TUSC3: variants seen among roughly 807,000 people sequenced by gnomAD.
The protein encoded by TUSC3 is dolichyl-diphosphooligosaccharide--protein glycosyltransferase subunit TUSC3.
A neutral mutation model predicts 44.8 loss-of-function variants in TUSC3; 45 were observed. That is an observed-to-expected ratio of 1.00 (90% CI 0.79 to 1.29). TUSC3 has a LOEUF of 1.29. Among genes scored for constraint, TUSC3 ranks in the 50% most tolerant of loss-of-function variants. TUSC3 has a pLI of 0.00. For missense variants in TUSC3, 519 were observed against 437.9 expected, an observed-to-expected ratio of 1.19 and a Z score of -1.65; for synonymous variants, 212 against 152.9, an observed-to-expected ratio of 1.39 and a Z score of -2.85.
At chr8:15,784,422 A>AT in the TUSC3 span, among the ~76,000 whole-genome samples, 4 of 152,194 alleles carry the variant, frequency 2.6e-5, no homozygotes, top group African/African-American at 9.6e-5. Flanking sequence ...TCATTGCAGC[A>AT]TTATTCACAA....
At chr8:15,538,052 G>C (rs1186729940), upstream of TUSC3, among the ~76,000 whole-genome samples, 4 of 152,084 alleles carry the variant, frequency 2.6e-5, 1 homozygote, top group South Asian at 6.2e-4. Flanking sequence ...AACAGTTCTT[G>C]TAACTGACTT....
the TUSC3 span, among the ~76,000 whole-genome samples, chr8:15,780,111 C>T: frequency 2.0e-5 from 3 of 152,128 alleles, no homozygotes; most frequent in Admixed American, 2.0e-4. Context: ...ATAGGAGGCT[C>T]CTGACTTCAC....
chr8:15,719,595 C>T (rs968705664), intron 6 of TUSC3, among the ~76,000 whole-genome samples: 3 of 151,756 alleles, frequency 2.0e-5, no homozygotes, highest in African/African-American at 7.3e-5. Flanking sequence ...TTTTATCTCA[C>T]CTGCCTAGGA....
At chr8:15,588,840 G>C (rs1409918203) in intron 1 of TUSC3, among the ~76,000 whole-genome samples, 7 of 152,088 alleles carry the variant, frequency 4.6e-5, no homozygotes, top group African/African-American at 1.7e-4. Context: ...GTTTTTGGCA[G>C]TTTTGTTGCA....
intron 2 of TUSC3, among the ~76,000 whole-genome samples, chr8:15,513,041 A>G (rs578155093): frequency 6.7e-6 from 1 of 149,622 alleles, no homozygotes. Flanking sequence ...TTAACCCCAT[A>G]TATTCAAGAA....
chr8:15,767,946 T>C (rs1028647615), downstream of TUSC3, among the ~76,000 whole-genome samples: 2 of 152,140 alleles, frequency 1.3e-5, no homozygotes, highest in South Asian at 2.1e-4. Context: ...ACAGGGACTC[T>C]AGAAGGACAT....
intron 1 of TUSC3, among the ~76,000 whole-genome samples, chr8:15,421,643 G>A (rs998662079): frequency 7.2e-5 from 11 of 152,010 alleles, no homozygotes; most frequent in Non-Finnish European, 1.6e-4. Flanking sequence ...GAATTTTTGC[G>A]TTTTGTCCAC....
At chr8:15,720,201 T>TAATACAC (rs369753796) in intron 6 of TUSC3, among the ~76,000 whole-genome samples, 1 of 141,612 alleles carries the variant, frequency 7.1e-6, no homozygotes. Flanking sequence ...TATATATATA[T>TAATACAC]ACACACACAC....
At chr8:15,789,381 A>G in the TUSC3 span, among the ~76,000 whole-genome samples, 4 of 152,344 alleles carry the variant, frequency 2.6e-5, no homozygotes, top group East Asian at 1.9e-4. Flanking sequence ...ATGGTGTTTC[A>G]TATCATCTCA....
chr8:15,680,416 G>A (rs1182946793), intron 6 of TUSC3, among the ~76,000 whole-genome samples: 3 of 151,944 alleles, frequency 2.0e-5, no homozygotes, highest in African/African-American at 7.2e-5. Flanking sequence ...CGTTATTGGT[G>A]TTTTAGAAAT....
chr8:15,589,794 C>G (rs1274555138), intron 1 of TUSC3, among the ~76,000 whole-genome samples: 1 of 152,044 alleles, frequency 6.6e-6, no homozygotes, highest in Non-Finnish European at 1.5e-5. Context: ...TAGTCAGTGT[C>G]CTACCAAAAG....
At chr8:15,547,629 T>C (rs1036864665) in intron 1 of TUSC3, among the ~76,000 whole-genome samples, 2 of 148,456 alleles carry the variant, frequency 1.3e-5, no homozygotes, top group Non-Finnish European at 3.0e-5. Context: ...ACAAAATTTA[T>C]AGGTTGAAAT....
intron 1 of TUSC3, among the ~76,000 whole-genome samples, chr8:15,581,862 G>GCTGC (rs1263897216): frequency 1.5e-4 from 13 of 84,282 alleles, no homozygotes; most frequent in Non-Finnish European, 1.9e-4. Flanking sequence ...GGAGCTTCCC[G>GCTGC]TTTACCTAAT....
chr8:15,504,606 TATATATATATATA>T lies in TUSC3; in HGVS notation n.189+21124_189+21136del, dbSNP rs1378040258. 5.1e-3 allele frequency among the ~76,000 whole-genome samples: 179 copies of T among 35,238 alleles called. 1 individual carries two copies. Among genetic ancestry groups the T allele is most frequent in the Non-Finnish European group, 7.1e-3 (143 of 20,052 alleles). 23.1% of individuals were successfully genotyped at this position (35,238 alleles called of 152,430 possible). A position where few individuals can be genotyped will look rare whatever the true frequency, so the allele number is the denominator to read the frequency against. ...ATATATATATATATATATATATATA[TATATATATATATA>T]TATTTTTTTTTTTTTTTTTTTTTAA... On this transcript the variant is annotated intron_variant and non_coding_transcript_variant, in intron 2 of 5. Transcript: ENST00000503191.
intron 1 of TUSC3, among the ~76,000 whole-genome samples, chr8:15,600,683 C>G (rs1804249604): frequency 6.6e-6 from 1 of 151,676 alleles, no homozygotes; most frequent in South Asian, 2.1e-4. Context: ...GTATGAGGTA[C>G]TGTTTTGCCA....
chr8:15,605,254 A>G (rs983598557), intron 1 of TUSC3, among the ~76,000 whole-genome samples: 1 of 151,858 alleles, frequency 6.6e-6, no homozygotes, highest in African/African-American at 2.4e-5. Flanking sequence ...GCTTTGTTTC[A>G]TATCTTTTCC....
chr8:15,687,715 A>C (rs919733027), intron 6 of TUSC3, among the ~76,000 whole-genome samples: 1 of 152,202 alleles, frequency 6.6e-6, no homozygotes, highest in Admixed American at 6.5e-5. Flanking sequence ...TGTGATTTGT[A>C]CCCTTACTTC....
chr8:15,460,639 T>A (rs1242632706), intron 1 of TUSC3, among the ~76,000 whole-genome samples: 1 of 152,228 alleles, frequency 6.6e-6, no homozygotes. Context: ...CAATATTATT[T>A]TCTAGAGTTG....
At chr8:15,758,153 G>A (rs1268502756) in intron 10 of TUSC3, 8 of 1,102,616 alleles carry the variant, frequency 7.3e-6, no homozygotes, top group Non-Finnish European at 7.7e-6. Context: ...ATCACTTAGG[G>A]AAAAAAGGCA....
Sources: allele counts gnomAD v4.1 joint callset (sites outside exome capture counted in the v4.1 genomes callset), GRCh38; gene constraint gnomAD v4.1.1; transcripts MANE v1.5; gene names NCBI Gene and HGNC (gene_info 2026-07-23, HGNC 2026-07-21).